FGGY: variants seen among roughly 807,000 people sequenced by gnomAD.
FGGY encodes FGGY carbohydrate kinase domain-containing protein.
In FGGY, 72 loss-of-function variants were observed where a neutral mutation model predicts 71.3. That is an observed-to-expected ratio of 1.01 (90% confidence interval 0.84 to 1.23). The LOEUF is 1.23. Ranked by LOEUF, FGGY falls within the 50% of genes most tolerant of loss-of-function variation. The pLI is 0.00. For missense variants in FGGY, 668 were observed against 682.3 expected, an observed-to-expected ratio of 0.98 and a Z score of 0.23; for synonymous variants, 251 against 250.3, an observed-to-expected ratio of 1.00 and a Z score of -0.02.
intron 14 of FGGY, among the ~76,000 whole-genome samples, chr1:59,692,941 G>T (rs575895450): frequency 6.6e-6 from 1 of 152,250 alleles, no homozygotes; most frequent in South Asian, 2.1e-4. Context: ...ACTTGAGTCT[G>T]AGCCTCACAT....
intron 5 of FGGY, among the ~76,000 whole-genome samples, chr1:59,401,917 G>A (rs1016199127): frequency 6.6e-6 from 1 of 152,232 alleles, no homozygotes; most frequent in Admixed American, 6.5e-5. Flanking sequence ...TCAGAGAGGT[G>A]CACCAAGACT....
chr1:59,500,663 CAAAA>C (rs922111998), intron 6 of FGGY, among the ~76,000 whole-genome samples: 14 of 44,770 alleles, frequency 3.1e-4, no homozygotes, highest in South Asian at 2.6e-3. Flanking sequence ...GCCTTCTTGC[CAAAA>C]AAAAAAAAAA....
chr1:59,456,553 A>G (rs1047550901), intron 5 of FGGY, among the ~76,000 whole-genome samples: 1 of 151,670 alleles, frequency 6.6e-6, no homozygotes, highest in African/African-American at 2.4e-5. Flanking sequence ...GGTTCAAGCA[A>G]TTCTTCTGCC....
rs1489041427 is a variant in FGGY at position 59,516,088 on chromosome 1, CCTTCTT to C, written c.799+3650_799+3655del. Among the ~76,000 whole-genome samples the C allele has an allele frequency of 9.0e-5, 8 of 89,228 alleles. No individual in the cohort carries two copies. The African/African-American group carries it at 9.2e-4, about 10-fold the overall frequency. 58.5% of individuals were successfully genotyped at this position (89,228 alleles called of 152,430 possible). On this transcript the variant is annotated intron_variant, in intron 7 of 15. Coordinates refer to ENST00000303721, the MANE Select transcript of FGGY (RefSeq NM_018291.5). ...TTGACTATGTTTTATCCTTATTATG[CCTTCTT>C]ATGCCTTCTTATGCCTCTTTCTTTA...
chr1:59,537,578 G>A (rs912261351), intron 7 of FGGY, among the ~76,000 whole-genome samples: 50 of 152,252 alleles, frequency 3.3e-4, no homozygotes, highest in African/African-American at 1.1e-3. Flanking sequence ...GAGGCATCAC[G>A]CTACCTGACT....
rs149709637 is a variant in FGGY, at chr1:59,445,291, G to A, written c.555-11670G>A. On this transcript the variant is annotated intron_variant, in intron 5 of 15. Coordinates refer to ENST00000303721, the MANE Select transcript of FGGY (RefSeq NM_018291.5). ...TCACTTCCAGCCCTGGGCACATGCA[G>A]TTCTTTCTACCTGGTGCAGTCCTCT... Among the ~76,000 whole-genome samples, 654 of 152,292 alleles carry A rather than the reference G, an allele frequency of 4.3e-3. 1 individual carries two copies. The highest frequency in any genetic ancestry group is 0.011 in the Admixed American group (171 of 15,300).
At chr1:59,416,404 A>C (rs1340517505) in intron 5 of FGGY, among the ~76,000 whole-genome samples, 4 of 152,200 alleles carry the variant, frequency 2.6e-5, no homozygotes, top group African/African-American at 9.7e-5. Context: ...GTGAAAAAAA[A>C]GTTTGAGAGT....
At chr1:59,427,644 AGAAGGGGGCCTGTCT>A (rs1303647042) in intron 5 of FGGY, among the ~76,000 whole-genome samples, 1 of 152,202 alleles carries the variant, frequency 6.6e-6, no homozygotes, top group Non-Finnish European at 1.5e-5. Flanking sequence ...TACCTGTCAC[AGAAGGGGGCCTGTCT>A]GAATAAGATG....
chr1:59,451,376 G>GT (rs1402291264), intron 5 of FGGY, among the ~76,000 whole-genome samples: 5 of 103,806 alleles, frequency 4.8e-5, no homozygotes, highest in Admixed American at 2.9e-4. Context: ...TTTTGTTGTT[G>GT]TTTGTTTTTT....
intron 11 of FGGY, among the ~76,000 whole-genome samples, chr1:59,643,010 G>C (rs977684598): frequency 1.3e-5 from 2 of 149,524 alleles, no homozygotes; most frequent in Non-Finnish European, 1.5e-5. Flanking sequence ...ACTCTAGCCT[G>C]GGTGACAGAG....
At chr1:59,321,981 C>G (rs916516066) in intron 2 of FGGY, among the ~76,000 whole-genome samples, 2 of 152,096 alleles carry the variant, frequency 1.3e-5, no homozygotes, top group South Asian at 4.1e-4. Context: ...AAGAGCTAAC[C>G]GGAGGGGGCT....
At chr1:59,513,021 T>C (rs367830819) in intron 7 of FGGY, among the ~76,000 whole-genome samples, 1 of 152,196 alleles carries the variant, frequency 6.6e-6, no homozygotes, top group African/African-American at 2.4e-5. Context: ...CCCCAGCTTT[T>C]AATGGGAAAA....
chr1:59,299,747 G>T (rs1228796842), intron 1 of FGGY, among the ~76,000 whole-genome samples: 6 of 152,180 alleles, frequency 3.9e-5, no homozygotes, highest in Non-Finnish European at 5.9e-5. Context: ...TTGCTGTGTC[G>T]TTCCCCTATT....
At chr1:59,630,891 T>G (rs999403512) in intron 10 of FGGY, among the ~76,000 whole-genome samples, 3 of 152,200 alleles carry the variant, frequency 2.0e-5, no homozygotes, top group Non-Finnish European at 4.4e-5. Flanking sequence ...TCCTTCTGTT[T>G]AGAGTGGAGT....
chr1:59,724,296 G>T (rs2097921444), intron 14 of FGGY, among the ~76,000 whole-genome samples: 1 of 148,700 alleles, frequency 6.7e-6, no homozygotes. Context: ...GGCTAACACA[G>T]TGTAACCTTG....
intron 7 of FGGY, among the ~76,000 whole-genome samples, chr1:59,534,993 A>C (rs1461390252): frequency 6.6e-6 from 1 of 151,458 alleles, no homozygotes; most frequent in African/African-American, 2.4e-5. Flanking sequence ...ATTAACTTTA[A>C]ATGTAAATGG....
At chr1:59,311,385 T>A (rs1395789801) in intron 1 of FGGY, among the ~76,000 whole-genome samples, 1 of 151,874 alleles carries the variant, frequency 6.6e-6, no homozygotes, top group East Asian at 1.9e-4. Flanking sequence ...CTAAGTTCCC[T>A]CCCCTCGTCC....
intron 11 of FGGY, among the ~76,000 whole-genome samples, chr1:59,651,304 C>T (rs1193086240): frequency 5.3e-5 from 8 of 151,560 alleles, no homozygotes; most frequent in African/African-American, 1.9e-4. Flanking sequence ...TCCTGGGTAT[C>T]CTTGTTGACT....
chr1:59,535,056 G>A (rs1428204126), intron 7 of FGGY, among the ~76,000 whole-genome samples: 14 of 152,108 alleles, frequency 9.2e-5, no homozygotes, highest in African/African-American at 3.1e-4. Flanking sequence ...AAAGAGTCAA[G>A]ACCCATCAGT....
Sources: allele counts gnomAD v4.1 joint callset (sites outside exome capture counted in the v4.1 genomes callset), GRCh38; gene constraint gnomAD v4.1.1; transcripts MANE v1.5; gene names NCBI Gene and HGNC (gene_info 2026-07-23, HGNC 2026-07-21).